CD46: variants seen among roughly 807,000 people sequenced by gnomAD.
The protein encoded by CD46 is CD46 molecule.
In CD46, 30 loss-of-function variants were observed where a neutral mutation model predicts 53.3. The ratio of observed to expected loss-of-function variants is 0.56; its 90% CI spans 0.42 to 0.76. CD46 has a LOEUF of 0.76. CD46 is among the 30% of genes least tolerant of loss of function. CD46 has a pLI of 0.00. For missense variants in CD46, 409 were observed against 463.0 expected, an observed-to-expected ratio of 0.88 and a Z score of 1.07; for synonymous variants, 142 against 152.0, an observed-to-expected ratio of 0.93 and a Z score of 0.48.
At chr1:207,758,643 G>A (rs1217271403) in intron 3 of CD46, among the ~76,000 whole-genome samples, 1 of 152,154 alleles carries the variant, frequency 6.6e-6, no homozygotes. Flanking sequence ...TTTTGGTAGA[G>A]ACAAACCAGA....
chr1:207,774,683 TTTTC>T (rs1461614678), intron 8 of CD46, among the ~76,000 whole-genome samples: 1 of 152,238 alleles, frequency 6.6e-6, no homozygotes, highest in African/African-American at 2.4e-5. Flanking sequence ...TTGAAAATTA[TTTTC>T]TTTAAGAATG....
intron 11 of CD46, among the ~76,000 whole-genome samples, chr1:207,789,890 A>G (rs1659630678): frequency 6.6e-6 from 1 of 151,160 alleles, no homozygotes; most frequent in Admixed American, 6.6e-5. Flanking sequence ...AAAAAAAAAA[A>G]AAAAAAAATC....
At chr1:207,789,948 C>T (rs1425290925) in intron 11 of CD46, among the ~76,000 whole-genome samples, 1 of 149,248 alleles carries the variant, frequency 6.7e-6, no homozygotes, top group Non-Finnish European at 1.5e-5. Context: ...TCTGTTATTC[C>T]TTGAAAACAT....
chr1:207,757,009 C>A lies in CD46; in HGVS notation c.98-5C>A. 1.9e-6 allele frequency: 3 copies of A among 1,611,638 alleles called. No individual in the cohort carries two copies. Among genetic ancestry groups the A allele is most frequent in the Non-Finnish European group, 2.5e-6 (3 of 1,177,894 alleles). On this transcript the variant is annotated splice_region_variant and splice_polypyrimidine_tract_variant and intron_variant, in intron 1 of 12. Coordinates refer to ENST00000367042, the MANE Select transcript of CD46 (RefSeq NM_172351.3). The stretch of plus-strand genomic sequence containing the variant: ...ATCTTCATGTTCCTATTCTCTTATC[C>A]CTAGATGCCTGTGAGGAGCCACCAA...
At chr1:207,776,571 G>C (rs1213425077) in intron 8 of CD46, among the ~76,000 whole-genome samples, 1 of 152,140 alleles carries the variant, frequency 6.6e-6, no homozygotes. Flanking sequence ...TTTAAATGAT[G>C]GGTGAAAAAT....
chr1:207,793,387 AATTT>A, intron 12 of CD46, 128 bp from the exon 13 acceptor site: 1 of 709,008 alleles, frequency 1.4e-6, no homozygotes, highest in Non-Finnish European at 2.5e-6. Flanking sequence ...TTAAAAGAAT[AATTT>A]ATTTCCCAGG....
chr1:207,774,208 C>T (rs1329503805), intron 8 of CD46, among the ~76,000 whole-genome samples: 6 of 148,280 alleles, frequency 4.0e-5, no homozygotes, highest in African/African-American at 5.0e-5. Flanking sequence ...ATTGCAACCC[C>T]TTTTTTTTTT....
intron 5 of CD46, among the ~76,000 whole-genome samples, chr1:207,763,534 G>C (rs1225213064): frequency 1.3e-5 from 2 of 152,224 alleles, no homozygotes; most frequent in East Asian, 1.9e-4. Flanking sequence ...GTGTCTCTCG[G>C]AGACGGCGAG....
chr1:207,783,169 A>G (rs1022152163), intron 8 of CD46, 123 bp from the exon 9 acceptor site: 2 of 544,422 alleles, frequency 3.7e-6, no homozygotes, highest in African/African-American at 3.8e-5. Flanking sequence ...GGAAAATTAT[A>G]TTTTAAGGGA....
intron 7 of CD46, 161 bp from the exon 8 acceptor site, chr1:207,770,160 C>A (rs781160774): frequency 7.9e-6 from 5 of 633,618 alleles, no homozygotes; most frequent in Non-Finnish European, 1.4e-5. Context: ...CATACTTGTG[C>A]AAATATATAT....
intron 8 of CD46, among the ~76,000 whole-genome samples, chr1:207,772,734 A>G (rs1657651966): frequency 6.6e-6 from 1 of 152,198 alleles, no homozygotes; most frequent in Non-Finnish European, 1.5e-5. Flanking sequence ...CCAGCCTTGT[A>G]TCCCAGGGAT....
chr1:207,780,322 T>A (rs1309621978), intron 8 of CD46, among the ~76,000 whole-genome samples: 1 of 152,180 alleles, frequency 6.6e-6, no homozygotes, highest in Admixed American at 6.5e-5. Flanking sequence ...CTTATTTTAC[T>A]TAGCATAATG....
chr1:207,762,758 G>A (rs17006738), intron 5 of CD46: 12,982 of 152,806 alleles, frequency 0.085, 663 homozygotes, highest in African/African-American at 0.14. Flanking sequence ...AGGATGAGAC[G>A]TGGCACACAC....
In CD46 at chr1:207,752,295, T is replaced by A. The variant is rs767708162; in HGVS notation, c.83T>A (p.Leu28Gln). 5 of 1,614,092 alleles carry A rather than the reference T, an allele frequency of 3.1e-6. No individual in the cohort carries two copies. In the East Asian group the frequency reaches 1.1e-4, roughly 36 times the overall value. The change falls in exon 1 of 13, where the codon CTG becomes CAG. Residue 28 changes from leucine (L) to glutamine (Q), a missense_variant. Leu to Gln is a moderately radical substitution (Grantham distance 113). Transcript: ENST00000367042. This position sits in a 1 kb window ranked among gnomAD's most constrained non-coding sequence, Gnocchi z 4.1. Reference sequence around the variant, plus strand: ...CTTCTGGCGGCCATGGTGTTGCTGCTGTACTCCTTCTCCGGTAGGACCCCG... The same window carrying A: ...CTTCTGGCGGCCATGGTGTTGCTGCAGTACTCCTTCTCCGGTAGGACCCCG... ...GLLLAAMVLLLYSFSDACEEP... is the reference protein window; with the variant it reads ...GLLLAAMVLLQYSFSDACEEP...
intron 5 of CD46, among the ~76,000 whole-genome samples, chr1:207,763,474 C>CT (rs1418714305): frequency 6.6e-6 from 1 of 152,196 alleles, no homozygotes; most frequent in African/African-American, 2.4e-5. Context: ...GCTTTTTGAC[C>CT]TTGGGCCAGT....
chr1:207,783,614 G>C (rs867957416), intron 9 of CD46: 2 of 256,434 alleles, frequency 7.8e-6, no homozygotes, highest in African/African-American at 4.5e-5. Context: ...GTAACACGCT[G>C]ATTTAACACA....
chr1:207,767,135 GACACAATTGTCTGTGACAGTA>G lies in CD46; in HGVS notation c.800_820del (p.Thr267_Asn273del), dbSNP rs1558056844. ...TAAGGGTTTTTACCTCGATGGCAGC[GACACAATTGTCTGTGACAGTA>G]ACAGTACTTGGGATCCCCCAGTTCC... On this transcript the variant is annotated inframe_deletion, in exon 6 of 13. Coordinates refer to ENST00000367042, the MANE Select transcript of CD46 (RefSeq NM_172351.3). The G allele has an allele frequency of 2.5e-6, 4 of 1,613,842 alleles. No homozygotes were observed. In the Admixed American group the frequency reaches 6.7e-5, roughly 27 times the overall value.
At chr1:207,772,538 G>C (rs957076694) in intron 8 of CD46, among the ~76,000 whole-genome samples, 1 of 152,114 alleles carries the variant, frequency 6.6e-6, no homozygotes, top group Non-Finnish European at 1.5e-5. Context: ...CTGTGGGTTT[G>C]TCTTAAATAG....
At chr1:207,778,466 G>A (rs1329817354) in intron 8 of CD46, among the ~76,000 whole-genome samples, 1 of 152,132 alleles carries the variant, frequency 6.6e-6, no homozygotes, top group African/African-American at 2.4e-5. Context: ...TTTTGTGTAT[G>A]GTGTAAGGAA....
Sources: gnomAD v4.1 joint callset for allele counts (sites outside exome capture counted in the v4.1 genomes callset) on GRCh38, gnomAD v4.1.1 for gene constraint, Gnocchi (gnomAD v3.1) non-coding constraint, MANE v1.5 for transcripts, NCBI Gene and HGNC (gene_info 2026-07-23, HGNC 2026-07-21) for gene names.